HHAT: variants seen among roughly 807,000 people sequenced by gnomAD.
The protein encoded by HHAT is protein-cysteine N-palmitoyltransferase HHAT.
In HHAT, 47 loss-of-function variants were observed where a neutral mutation model predicts 70.8. The ratio of observed to expected loss-of-function variants is 0.66; its 90% confidence interval spans 0.53 to 0.85. The LOEUF (loss-of-function observed/expected upper bound fraction) is 0.85. HHAT is among the 40% of genes least tolerant of loss of function. The probability of loss-of-function intolerance (pLI) is 0.00; values close to 1 mark genes in which losing one functional copy is unlikely to be tolerated. For synonymous variants in HHAT, 228 were observed against 247.6 expected, an observed-to-expected ratio of 0.92 and a Z score of 0.74; for missense variants, 609 against 604.8, an observed-to-expected ratio of 1.01 and a Z score of -0.07.
At position 210,414,419 on chromosome 1, in the gene HHAT, A is replaced by G. The variant is rs115170947; in HGVS notation, c.685-3735A>G. Among the ~76,000 whole-genome samples, 1,062 of 152,278 alleles carry G rather than the reference A, an allele frequency of 7.0e-3. 14 individuals are homozygous for G. The highest frequency in any genetic ancestry group is 0.024 in the African/African-American group (1,011 of 41,546). On this transcript the variant is annotated intron_variant, in intron 6 of 11. Transcript: ENST00000261458. ...GCTAGTGGTTATTAGGTCAAAATGA[A>G]CTTGCTTTGGAGAGCTGGAAAAGGG...
intron 9 of HHAT, among the ~76,000 whole-genome samples, chr1:210,518,320 CAGTG>C (rs1478501712): frequency 6.6e-6 from 1 of 152,098 alleles, no homozygotes; most frequent in African/African-American, 2.4e-5. Context: ...TTCCACATAT[CAGTG>C]AGATCATGTG....
At chr1:210,611,967 C>A (rs1312513625) in intron 10 of HHAT, among the ~76,000 whole-genome samples, 1 of 152,042 alleles carries the variant, frequency 6.6e-6, no homozygotes, top group Non-Finnish European at 1.5e-5. Flanking sequence ...CTGAAGTGTT[C>A]TTTTTTTGTT....
chr1:210,378,352 G>A (rs2090386668), intron 3 of HHAT, among the ~76,000 whole-genome samples: 1 of 152,130 alleles, frequency 6.6e-6, no homozygotes, highest in Non-Finnish European at 1.5e-5. Flanking sequence ...AGCAAATAAT[G>A]CTATTTAGGA....
At chr1:210,555,796 C>G (rs969922684) in intron 9 of HHAT, among the ~76,000 whole-genome samples, 1 of 152,156 alleles carries the variant, frequency 6.6e-6, no homozygotes, top group African/African-American at 2.4e-5. Context: ...AAATTCTGCA[C>G]TGGTGGCCTC....
At chr1:210,525,317 T>G (rs2095229409) in intron 9 of HHAT, among the ~76,000 whole-genome samples, 1 of 152,146 alleles carries the variant, frequency 6.6e-6, no homozygotes, top group African/African-American at 2.4e-5. Flanking sequence ...TCCTCCCATT[T>G]CTTGTCAAAA....
chr1:210,387,237 T>C (rs562141280), intron 3 of HHAT, among the ~76,000 whole-genome samples: 1 of 152,280 alleles, frequency 6.6e-6, no homozygotes, highest in African/African-American at 2.4e-5. Flanking sequence ...GGAATGGCAA[T>C]GGCAATCATT....
intron 1 of HHAT, among the ~76,000 whole-genome samples, chr1:210,344,462 C>T (rs2086326943): frequency 6.6e-6 from 1 of 152,046 alleles, no homozygotes; most frequent in Non-Finnish European, 1.5e-5. Context: ...TCTAAATGGT[C>T]CCAGTGTGTG....
intron 8 of HHAT, among the ~76,000 whole-genome samples, chr1:210,490,393 G>A (rs2094533399): frequency 6.6e-6 from 1 of 152,230 alleles, no homozygotes; most frequent in African/African-American, 2.4e-5. Flanking sequence ...TATGAATGGA[G>A]TGATGTCTCT....
chr1:210,392,523 T>C (rs2091523222), intron 4 of HHAT, among the ~76,000 whole-genome samples: 1 of 152,198 alleles, frequency 6.6e-6, no homozygotes, highest in African/African-American at 2.4e-5. Flanking sequence ...GTCTGTGCTT[T>C]ATGCATAAGG....
chr1:210,616,725 A>G lies in HHAT; in HGVS notation c.1246-6801A>G, dbSNP rs117231574. ...TGTAGTAGGAGCATGAAGATATTCAATTAGAGAAACGTATGTGAATTCTTG... is the reference window on the plus strand; with the variant it reads ...TGTAGTAGGAGCATGAAGATATTCAGTTAGAGAAACGTATGTGAATTCTTG... On this transcript the variant is annotated intron_variant, in intron 10 of 11. Transcript: ENST00000261458. Among the ~76,000 whole-genome samples the G allele has an allele frequency of 1.6e-4, 25 of 152,382 alleles. No individual in the cohort carries two copies. The East Asian group carries it at 3.7e-3, about 22-fold the overall frequency.
Position 210,453,952 on chromosome 1 carries a change from C to T in HHAT, c.857-10553C>T, listed in dbSNP as rs1025524542. Among the ~76,000 whole-genome samples, 8 of 152,202 alleles carry T rather than the reference C, an allele frequency of 5.3e-5. No individual in the cohort carries two copies. In the South Asian group the frequency reaches 1.0e-3, roughly 20 times the overall value. ...TTACAGTTTCACATGGCTGGGGAGG[C>T]CTCAGAATCACAGAGGGAGGTGAAA... is the stretch of plus-strand genomic sequence containing the variant. On this transcript the variant is annotated intron_variant, in intron 7 of 11. Coordinates refer to ENST00000261458, the MANE Select transcript of HHAT (RefSeq NM_018194.6).
intron 11 of HHAT, among the ~76,000 whole-genome samples, chr1:210,648,690 A>G (rs1415568622): frequency 6.6e-6 from 1 of 152,212 alleles, no homozygotes. Context: ...ATTCTCCAGA[A>G]CATGCATTTT....
At chr1:210,552,426 C>T (rs368146390) in intron 9 of HHAT, among the ~76,000 whole-genome samples, 49 of 152,292 alleles carry the variant, frequency 3.2e-4, no homozygotes, top group East Asian at 1.4e-3. Context: ...GGTGGAAATA[C>T]GGGAAATGGA....
intron 11 of HHAT, among the ~76,000 whole-genome samples, chr1:210,665,442 A>C (rs1348392713): frequency 6.6e-6 from 1 of 152,164 alleles, no homozygotes; most frequent in East Asian, 1.9e-4. Context: ...GAAAGTAAGA[A>C]TCTATCATTT....
chr1:210,560,229 C>T (rs1040852191), intron 9 of HHAT, among the ~76,000 whole-genome samples: 1 of 152,120 alleles, frequency 6.6e-6, no homozygotes, highest in Non-Finnish European at 1.5e-5. Flanking sequence ...TATTTCTTTG[C>T]TTATTACTTC....
At chr1:210,540,708 A>G (rs1336974824) in intron 9 of HHAT, among the ~76,000 whole-genome samples, 2 of 151,912 alleles carry the variant, frequency 1.3e-5, no homozygotes, top group African/African-American at 4.8e-5. Flanking sequence ...CACAGGTGCA[A>G]TAATAGCACA....
chr1:210,494,581 TG>T (rs2094604739), intron 8 of HHAT, among the ~76,000 whole-genome samples: 4 of 138,800 alleles, frequency 2.9e-5, no homozygotes, highest in Admixed American at 7.1e-5. Flanking sequence ...AGACAGAGTT[TG>T]CTCTTTTTTC....
At chr1:210,641,528 C>A (rs769911845) in intron 11 of HHAT, among the ~76,000 whole-genome samples, 2 of 152,176 alleles carry the variant, frequency 1.3e-5, no homozygotes, top group African/African-American at 4.8e-5. Flanking sequence ...TATGTTTGAA[C>A]TTTATTTAAA....
At chr1:210,656,467 C>T (rs557207026) in intron 11 of HHAT, among the ~76,000 whole-genome samples, 12 of 152,282 alleles carry the variant, frequency 7.9e-5, no homozygotes, top group African/African-American at 2.6e-4. Context: ...ATGACAGCAG[C>T]AGTGATCATG....
Sources: allele counts gnomAD v4.1 joint callset (sites outside exome capture counted in the v4.1 genomes callset), GRCh38; gene constraint gnomAD v4.1.1; transcripts MANE v1.5; gene names NCBI Gene and HGNC (gene_info 2026-07-23, HGNC 2026-07-21).